NKAIN2: variants seen among roughly 807,000 people sequenced by gnomAD.
The protein encoded by NKAIN2 is sodium/potassium transporting ATPase interacting 2.
In NKAIN2, 14 loss-of-function variants were observed where a neutral mutation model predicts 32.6. That is an observed-to-expected ratio of 0.43 (90% CI 0.28 to 0.67). The LOEUF is 0.67. NKAIN2 is among the 30% of genes least tolerant of loss of function. The probability of loss-of-function intolerance (pLI) is 0.17; values close to 1 mark genes in which losing one functional copy is unlikely to be tolerated. For missense variants in NKAIN2, 198 were observed against 258.3 expected, an observed-to-expected ratio of 0.77 and a Z score of 1.60; for synonymous variants, 80 against 87.2, an observed-to-expected ratio of 0.92 and a Z score of 0.46.
chr6:124,457,334 G>A (rs1409614695), intron 3 of NKAIN2, among the ~76,000 whole-genome samples: 1 of 151,954 alleles, frequency 6.6e-6, no homozygotes, highest in Non-Finnish European at 1.5e-5. Flanking sequence ...AAATAGAAGT[G>A]AAATACATCG....
chr6:124,506,462 C>G (rs938589534), intron 3 of NKAIN2, among the ~76,000 whole-genome samples: 1 of 152,194 alleles, frequency 6.6e-6, no homozygotes, highest in African/African-American at 2.4e-5. Context: ...GGCTCATCCC[C>G]GAACGGTCAG....
intron 2 of NKAIN2, among the ~76,000 whole-genome samples, chr6:124,298,728 A>G (rs1386392245): frequency 6.6e-6 from 1 of 151,944 alleles, no homozygotes. Context: ...CAGATAATGC[A>G]TGAATTGGTA....
At chr6:124,592,602 C>G (rs772911760) in intron 3 of NKAIN2, among the ~76,000 whole-genome samples, 1 of 152,154 alleles carries the variant, frequency 6.6e-6, no homozygotes, top group Non-Finnish European at 1.5e-5. Flanking sequence ...AGATCTAATT[C>G]ACCTTCTGTA....
At chr6:123,854,370 T>G (rs1039512515) in intron 1 of NKAIN2, among the ~76,000 whole-genome samples, 2 of 152,152 alleles carry the variant, frequency 1.3e-5, no homozygotes, top group Non-Finnish European at 2.9e-5. Flanking sequence ...TTATACAATT[T>G]TAGAACATAT....
intron 3 of NKAIN2, among the ~76,000 whole-genome samples, chr6:124,506,796 T>G (rs1778502470): frequency 6.6e-6 from 1 of 152,186 alleles, no homozygotes; most frequent in Non-Finnish European, 1.5e-5. Flanking sequence ...GCTAAAGACA[T>G]AACTTGAGCC....
intron 3 of NKAIN2, among the ~76,000 whole-genome samples, chr6:124,391,716 A>T (rs1275253787): frequency 6.6e-6 from 1 of 152,174 alleles, no homozygotes; most frequent in Non-Finnish European, 1.5e-5. Context: ...TTCCCAGAGG[A>T]TGTTCAAAGA....
chr6:124,107,283 G>A (rs1344668650), intron 1 of NKAIN2, among the ~76,000 whole-genome samples: 1 of 152,126 alleles, frequency 6.6e-6, no homozygotes, highest in Non-Finnish European at 1.5e-5. Context: ...AGTCAATGAA[G>A]TATTCAGAAC....
At chr6:124,151,576 AT>A (rs1787727337) in intron 1 of NKAIN2, among the ~76,000 whole-genome samples, 1 of 151,982 alleles carries the variant, frequency 6.6e-6, no homozygotes, top group Admixed American at 6.6e-5. Context: ...GAGAGTGCAT[AT>A]TTTTTTGTGA....
chr6:124,062,403 T>G (rs1782956021), intron 1 of NKAIN2, among the ~76,000 whole-genome samples: 1 of 152,140 alleles, frequency 6.6e-6, no homozygotes, highest in South Asian at 2.1e-4. Context: ...GTTCCAGGAA[T>G]AGCTGATTTC....
chr6:124,059,823 C>G (rs1782842349), intron 1 of NKAIN2, among the ~76,000 whole-genome samples: 1 of 152,022 alleles, frequency 6.6e-6, no homozygotes, highest in Non-Finnish European at 1.5e-5. Context: ...TTTTTTCCTC[C>G]CATTTTCACA....
intron 2 of NKAIN2, among the ~76,000 whole-genome samples, chr6:124,297,677 G>A (rs1796115159): frequency 7.0e-6 from 1 of 143,728 alleles, no homozygotes; most frequent in Non-Finnish European, 1.5e-5. Context: ...TTCCTTGAGA[G>A]CCTCAGAACT....
chr6:123,890,959 T>C (rs1444558330), intron 1 of NKAIN2, among the ~76,000 whole-genome samples: 1 of 152,098 alleles, frequency 6.6e-6, no homozygotes, highest in Admixed American at 6.6e-5. Context: ...CAACAGATGA[T>C]GGATGGACAA....
In NKAIN2 at chr6:124,525,411, C is replaced by T. The variant is rs537461364; in HGVS notation, c.274-132775C>T. Among the ~76,000 whole-genome samples the T allele has an allele frequency of 4.0e-5, 6 of 151,888 alleles. No homozygotes were observed. In the East Asian group the frequency reaches 7.8e-4, roughly 20 times the overall value. ...TGCAGTACTTGCGATTTTCATGTAA[C>T]GTAATGAAGACAGCAAGACTAGAAT... is the stretch of plus-strand genomic sequence containing the variant. On this transcript the variant is annotated intron_variant, in intron 3 of 6. Transcript: ENST00000368417.
At chr6:124,701,400 T>C (rs1465780885) in intron 4 of NKAIN2, among the ~76,000 whole-genome samples, 1 of 152,112 alleles carries the variant, frequency 6.6e-6, no homozygotes, top group Non-Finnish European at 1.5e-5. Flanking sequence ...TTATACATAA[T>C]GTTGAAAAAT....
intron 3 of NKAIN2, among the ~76,000 whole-genome samples, chr6:124,402,156 C>G (rs1042365240): frequency 1.3e-5 from 2 of 152,008 alleles, no homozygotes; most frequent in African/African-American, 4.8e-5. Flanking sequence ...AACAGGACAG[C>G]CCCCACCCCA....
chr6:124,134,389 G>A (rs1786627886), intron 1 of NKAIN2, among the ~76,000 whole-genome samples: 1 of 152,030 alleles, frequency 6.6e-6, no homozygotes, highest in Non-Finnish European at 1.5e-5. Flanking sequence ...CCAAACCTAA[G>A]AATAATTGGT....
intron 4 of NKAIN2, among the ~76,000 whole-genome samples, chr6:124,698,933 G>A (rs946875760): frequency 2.0e-5 from 3 of 152,092 alleles, no homozygotes; most frequent in African/African-American, 7.2e-5. Context: ...CAGGGTAAAG[G>A]TTGAGAGTTA....
intron 1 of NKAIN2, among the ~76,000 whole-genome samples, chr6:124,241,751 A>G (rs1793108718): frequency 6.6e-6 from 1 of 152,154 alleles, no homozygotes; most frequent in East Asian, 1.9e-4. Flanking sequence ...TACTGGAGAA[A>G]TTACTATAAA....
At chr6:124,541,663 T>C (rs1214842917) in intron 3 of NKAIN2, among the ~76,000 whole-genome samples, 3 of 152,150 alleles carry the variant, frequency 2.0e-5, no homozygotes, top group African/African-American at 4.8e-5. Flanking sequence ...GATTAGGTCA[T>C]GTTTTTAAAA....
Sources: gnomAD v4.1 joint callset for allele counts (sites outside exome capture counted in the v4.1 genomes callset) on GRCh38, gnomAD v4.1.1 for gene constraint, MANE v1.5 for transcripts, NCBI Gene and HGNC (gene_info 2026-07-23, HGNC 2026-07-21) for gene names.